MROH1: variants seen among roughly 807,000 people sequenced by gnomAD.
The protein encoded by MROH1 is maestro heat like repeat family member 1.
MROH1 carries 117 observed loss-of-function variants against 116.5 expected under a neutral mutation model. The observed-to-expected ratio is 1.00, with a 90% confidence interval of 0.86 to 1.17. The LOEUF (loss-of-function observed/expected upper bound fraction) is 1.17. Among genes scored for constraint, MROH1 ranks in the 50% most tolerant of loss-of-function variants. MROH1 has a pLI of 0.00. For synonymous variants in MROH1, 921 were observed against 583.9 expected, an observed-to-expected ratio of 1.58 and a Z score of -8.32; for missense variants, 1,873 against 1,338.5, an observed-to-expected ratio of 1.40 and a Z score of -6.23.
intron 35 of MROH1, among the ~76,000 whole-genome samples, chr8:144,257,081 G>A (rs2129775604): frequency 6.6e-6 from 1 of 152,340 alleles, no homozygotes; most frequent in Admixed American, 6.5e-5. Context: ...TGTGTCAAGG[G>A]CATCTCCCAG....
intron 1 of MROH1, among the ~76,000 whole-genome samples, chr8:144,154,140 C>T (rs1309740581): frequency 6.6e-6 from 1 of 152,178 alleles, no homozygotes; most frequent in Non-Finnish European, 1.5e-5. Flanking sequence ...TCTCGGCTCA[C>T]TGTAATCTCC....
At chr8:144,259,608 T>C (rs1179976796) in intron 37 of MROH1, among the ~76,000 whole-genome samples, 1 of 152,182 alleles carries the variant, frequency 6.6e-6, no homozygotes, top group East Asian at 1.9e-4. Flanking sequence ...GCTGGGTACA[T>C]TTGTAGCTGG....
At chr8:144,210,118 C>T (rs1316861097) in intron 12 of MROH1, among the ~76,000 whole-genome samples, 1 of 151,708 alleles carries the variant, frequency 6.6e-6, no homozygotes, top group Non-Finnish European at 1.5e-5. Flanking sequence ...GTAATCACTC[C>T]CTTATGATTA....
At chr8:144,261,591 C>T (rs1845083401) in intron 43 of MROH1, 64 bp from the exon 44 acceptor site, 2 of 700,724 alleles carry the variant, frequency 2.9e-6, no homozygotes, top group African/African-American at 1.7e-5. Context: ...AGAGCGTGGC[C>T]CACGCGCAGG....
chr8:144,248,302 G>C (rs905028610), intron 31 of MROH1, among the ~76,000 whole-genome samples: 5 of 152,232 alleles, frequency 3.3e-5, no homozygotes, highest in Middle Eastern at 3.4e-3. Context: ...TTGCATTACG[G>C]GGGGGAAAAA....
intron 24 of MROH1, 60 bp from the exon 25 acceptor site, chr8:144,243,434 G>A: frequency 1.3e-6 from 1 of 771,240 alleles, no homozygotes; most frequent in Non-Finnish European, 2.4e-6. Context: ...AAGGGGGTAT[G>A]CGCGGGTTCA....
rs1003553821 is a variant in MROH1 at position 144,239,515 on chromosome 8, G to A, written c.1633-99G>A. On this transcript the variant is annotated intron_variant, in intron 17 of 43. Coordinates refer to ENST00000326134, the MANE Select transcript of MROH1 (RefSeq NM_032450.3). The stretch of plus-strand genomic sequence containing the variant: ...CGTGGGCGGCCCAGCTTTGGGAAGA[G>A]CCAGGCTCCCCGTCGGGTGATGTGG... The A allele has an allele frequency of 7.6e-5, 58 of 760,206 alleles. 1 individual carries two copies. Among genetic ancestry groups the A allele is most frequent in the South Asian group, 7.4e-4 (54 of 72,868 alleles). 47.1% of individuals were successfully genotyped at this position (760,206 alleles called of 1,614,324 possible).
intron 1 of MROH1, among the ~76,000 whole-genome samples, chr8:144,157,329 G>A (rs1422257157): frequency 3.9e-5 from 6 of 152,152 alleles, no homozygotes; most frequent in Non-Finnish European, 8.8e-5. Flanking sequence ...TTATCCACCC[G>A]CCTTGGCCTC....
chr8:144,173,713 C>G (rs4977179), intron 4 of MROH1, among the ~76,000 whole-genome samples: 150,638 of 152,318 alleles, frequency 0.99, 74,505 homozygotes, highest in East Asian at 1. Flanking sequence ...CTGAGCCACT[C>G]CGCCCAGCCA....
At chr8:144,161,481 A>T (rs1564364674) in intron 2 of MROH1, among the ~76,000 whole-genome samples, 1 of 152,088 alleles carries the variant, frequency 6.6e-6, no homozygotes, top group South Asian at 2.1e-4. Context: ...CTGTCTCATC[A>T]GCTTAGGTGT....
chr8:144,190,729 G>C (rs564760404), intron 7 of MROH1, 55 bp from the exon 8 acceptor site: 1 of 1,585,666 alleles, frequency 6.3e-7, no homozygotes, highest in East Asian at 2.3e-5. Flanking sequence ...CATAGGTGCT[G>C]AGGATCGTCA....
At chr8:144,172,126 G>A (rs1822597938) in intron 4 of MROH1, among the ~76,000 whole-genome samples, 2 of 152,166 alleles carry the variant, frequency 1.3e-5, no homozygotes, top group South Asian at 4.1e-4. Context: ...ATCTATTCTT[G>A]ACATATTTTG....
At chr8:144,214,790 G>T (rs988209469) in intron 12 of MROH1, among the ~76,000 whole-genome samples, 6 of 152,046 alleles carry the variant, frequency 3.9e-5, no homozygotes, top group Admixed American at 2.0e-4. Flanking sequence ...TTCTCTAGAG[G>T]GACAGAACTA....
chr8:144,150,996 C>T (rs1214783337), intron 1 of MROH1, among the ~76,000 whole-genome samples: 1 of 152,102 alleles, frequency 6.6e-6, no homozygotes, highest in Admixed American at 6.5e-5. Flanking sequence ...GCCTGTAATC[C>T]CAGCACTTTG....
intron 22 of MROH1, among the ~76,000 whole-genome samples, chr8:144,241,961 C>A (rs2132934903): frequency 6.6e-6 from 1 of 152,356 alleles, no homozygotes; most frequent in South Asian, 2.1e-4. Context: ...CATCTCAGGG[C>A]TGGACCAAGC....
intron 1 of MROH1, among the ~76,000 whole-genome samples, chr8:144,149,705 G>A (rs1024990042): frequency 1.3e-4 from 20 of 152,266 alleles, no homozygotes; most frequent in African/African-American, 4.6e-4. Context: ...GGCTCCCGTG[G>A]CTCTTGGGAG....
intron 12 of MROH1, among the ~76,000 whole-genome samples, chr8:144,202,079 C>T (rs540403550): frequency 6.6e-6 from 1 of 151,700 alleles, no homozygotes; most frequent in Non-Finnish European, 1.5e-5. Context: ...GACGGGGCCA[C>T]AGTGCGAAAG....
chr8:144,241,383 G>A lies in MROH1; in HGVS notation c.2056-12G>A. 1.3e-6 allele frequency: 1 copy of A among 769,940 alleles called. No homozygotes were observed. The highest frequency in any genetic ancestry group is 2.4e-6 in the Non-Finnish European group (1 of 413,436). 47.7% of individuals were successfully genotyped at this position (769,940 alleles called of 1,614,324 possible). On this transcript the variant is annotated splice_polypyrimidine_tract_variant and intron_variant, in intron 21 of 43. Transcript: ENST00000326134. ...GCTCTTCCCTGCCCGGGGTAAGTGT[G>A]CTGCCCCCCAGGGCCTCGCCTGCTG...
At chr8:144,232,834 ATTTATTTT>A (rs1221188172) in intron 14 of MROH1, among the ~76,000 whole-genome samples, 2 of 136,268 alleles carry the variant, frequency 1.5e-5, no homozygotes, top group African/African-American at 2.9e-5. Context: ...TTATTTATTT[ATTTATTTT>A]ATGAGACAGG....
Sources: gnomAD v4.1 joint callset for allele counts (sites outside exome capture counted in the v4.1 genomes callset) on GRCh38, gnomAD v4.1.1 for gene constraint, MANE v1.5 for transcripts, NCBI Gene and HGNC (gene_info 2026-07-23, HGNC 2026-07-21) for gene names.